Variants in HERC3 observed in about 807,000 individuals in gnomAD.
HERC3 encodes the protein probable E3 ubiquitin-protein ligase HERC3.
Under a neutral mutation model 129.9 loss-of-function variants are expected in HERC3, and 58 were observed. The observed-to-expected ratio is 0.45, with a 90% CI of 0.36 to 0.56. The LOEUF (loss-of-function observed/expected upper bound fraction) is 0.56. Among genes scored for constraint, HERC3 ranks in the 20% least tolerant of loss-of-function variants. HERC3 has a pLI of 0.00. For synonymous variants in HERC3, 430 were observed against 451.0 expected (o/e 0.95, Z 0.59); for missense variants, 835 against 1,244.2 (o/e 0.67, Z 4.95).
chr4:88,665,087 C>T lies in HERC3; in HGVS notation c.1331+875C>T, dbSNP rs1730903481. ...TTCTGTGTGTGAATCCCACCCCTAC[C>T]CCTCGAGCCCTGTGTTACTCAAGGT... On this transcript the variant is annotated intron_variant, in intron 12 of 25. Coordinates refer to ENST00000402738, the MANE Select transcript of HERC3 (RefSeq NM_014606.3). 2.0e-5 allele frequency among the ~76,000 whole-genome samples: 3 copies of T among 152,112 alleles called. No individual in the cohort carries two copies. In the South Asian group the frequency reaches 6.2e-4, roughly 32 times the overall value.
chr4:88,568,091 T>C, the HERC3 span, among the ~76,000 whole-genome samples: 1 of 152,252 alleles, frequency 6.6e-6, no homozygotes, highest in Non-Finnish European at 1.5e-5. Flanking sequence ...CCAGGATTAT[T>C]AGACAGAGAT....
At chr4:88,572,805 C>CAAA in the HERC3 span, among the ~76,000 whole-genome samples, 1 of 139,916 alleles carries the variant, frequency 7.1e-6, no homozygotes, top group Non-Finnish European at 1.6e-5. Context: ...AAGACTGTCT[C>CAAA]AAAAAAAAAA....
intron 3 of HERC3, among the ~76,000 whole-genome samples, chr4:88,649,257 A>C (rs945463894): frequency 6.6e-6 from 1 of 152,038 alleles, no homozygotes; most frequent in Admixed American, 6.6e-5. Context: ...GAAGCTAGAC[A>C]TTTCATTGAG....
At position 88,691,764 on chromosome 4, in the gene HERC3, A is replaced by G. The variant is rs903494948; in HGVS notation, c.2657+4465A>G. On this transcript the variant is annotated intron_variant, in intron 23 of 25. Coordinates refer to ENST00000402738, the MANE Select transcript of HERC3 (RefSeq NM_014606.3). ...GAAGTTGTAAAAGATTGATCATTAT[A>G]GTCATTATTTCCTTGGCTATATGCC... Among the ~76,000 whole-genome samples, 62 of 152,256 alleles carry G rather than the reference A, an allele frequency of 4.1e-4. 1 individual carries two copies. Among genetic ancestry groups the G allele is most frequent in the Admixed American group, 4.1e-3 (62 of 15,290 alleles).
At chr4:88,557,407 AC>A in the HERC3 span, among the ~76,000 whole-genome samples, 1 of 152,174 alleles carries the variant, frequency 6.6e-6, no homozygotes, top group Non-Finnish European at 1.5e-5. Context: ...CATCCCTGCT[AC>A]CTTGTATTAA....
intron 2 of HERC3, among the ~76,000 whole-genome samples, chr4:88,602,654 A>AT (rs1240049747): frequency 3.3e-5 from 5 of 151,744 alleles, no homozygotes; most frequent in Non-Finnish European, 5.9e-5. Flanking sequence ...ATTTTATTTT[A>AT]TTTTTTGTGG....
chr4:88,599,103 G>A (rs1435516935), intron 2 of HERC3, among the ~76,000 whole-genome samples: 1 of 152,328 alleles, frequency 6.6e-6, no homozygotes, highest in South Asian at 2.1e-4. Context: ...AATGCCCAGC[G>A]ATGCAGACCG....
At chr4:88,706,393 G>A (rs1007997247) in intron 25 of HERC3, among the ~76,000 whole-genome samples, 11 of 152,282 alleles carry the variant, frequency 7.2e-5, no homozygotes, top group South Asian at 2.1e-4. Context: ...ATGGAATTCC[G>A]TAGACAAGGT....
the HERC3 span, among the ~76,000 whole-genome samples, chr4:88,586,969 T>C: frequency 3.9e-5 from 6 of 152,344 alleles, no homozygotes; most frequent in South Asian, 1.2e-3. Flanking sequence ...CATTTTGCTC[T>C]AGGCTTTCGA....
chr4:88,543,619 A>G, the HERC3 span, among the ~76,000 whole-genome samples: 4 of 152,204 alleles, frequency 2.6e-5, no homozygotes, highest in South Asian at 2.1e-4. Context: ...AAGAGCCTGC[A>G]TTGCCAAGTC....
chr4:88,585,400 A>T, the HERC3 span, among the ~76,000 whole-genome samples: 1 of 152,154 alleles, frequency 6.6e-6, no homozygotes, highest in African/African-American at 2.4e-5. Context: ...AGTGAAGGTG[A>T]TTGGACCATG....
Position 88,625,352 on chromosome 4 carries a change from G to A in HERC3, c.226+19303G>A, listed in dbSNP as rs776729824. Among the ~76,000 whole-genome samples, 92 of 151,906 alleles carry A rather than the reference G, an allele frequency of 6.1e-4. 1 individual carries two copies. The highest frequency in any genetic ancestry group is 1.0e-3 in the Non-Finnish European group (70 of 67,912). Reference sequence around the variant, plus strand: ...ATGGTGTGTCTCTCTCTATATTTTAGGTCTTCTTTAATTTTTCTCAGCAAT... The same window carrying A: ...ATGGTGTGTCTCTCTCTATATTTTAAGTCTTCTTTAATTTTTCTCAGCAAT... On this transcript the variant is annotated intron_variant, in intron 3 of 25. Transcript: ENST00000402738.
chr4:88,609,734 C>T (rs1724078622), intron 3 of HERC3, among the ~76,000 whole-genome samples: 1 of 152,090 alleles, frequency 6.6e-6, no homozygotes, highest in African/African-American at 2.4e-5. Flanking sequence ...GGGTCCCGAT[C>T]CAGACCCCAA....
chr4:88,620,034 C>T (rs927351716), intron 3 of HERC3, among the ~76,000 whole-genome samples: 3 of 152,136 alleles, frequency 2.0e-5, no homozygotes, highest in Non-Finnish European at 2.9e-5. Context: ...AATGTTCATA[C>T]CTTTTGAATG....
chr4:88,591,540 GTTATTCCTT>G (rs1721709106), upstream of HERC3, among the ~76,000 whole-genome samples: 1 of 152,142 alleles, frequency 6.6e-6, no homozygotes, highest in African/African-American at 2.4e-5. Context: ...CACTGGGAGA[GTTATTCCTT>G]TGGATTAAAG....
At chr4:88,549,579 T>G in the HERC3 span, among the ~76,000 whole-genome samples, 1 of 152,234 alleles carries the variant, frequency 6.6e-6, no homozygotes, top group Non-Finnish European at 1.5e-5. Context: ...ATTTTCTGTT[T>G]CTGCACTACT....
intron 3 of HERC3, among the ~76,000 whole-genome samples, chr4:88,620,219 T>C (rs1445373498): frequency 6.6e-6 from 1 of 152,252 alleles, no homozygotes; most frequent in African/African-American, 2.4e-5. Context: ...GATAAAGTTT[T>C]AAGTAGCATC....
chr4:88,665,662 A>G (rs1216173552), intron 12 of HERC3, among the ~76,000 whole-genome samples: 1 of 152,150 alleles, frequency 6.6e-6, no homozygotes, highest in African/African-American at 2.4e-5. Flanking sequence ...TAATCTAGTC[A>G]TGTTGACTCC....
rs561492469 is a variant in HERC3 at position 88,636,633 on chromosome 4, C to G, written c.227-13207C>G. 3.3e-5 allele frequency among the ~76,000 whole-genome samples: 5 copies of G among 152,316 alleles called. No individual in the cohort carries two copies. The South Asian group carries it at 8.3e-4, about 25-fold the overall frequency. On this transcript the variant is annotated intron_variant, in intron 3 of 25. Coordinates refer to ENST00000402738, the MANE Select transcript of HERC3 (RefSeq NM_014606.3). Reference sequence around the variant, plus strand: ...TCAGGACTTGAACTGAGCTCTGGATCAAGTGGACCTAATAGATATCTACAG... The same window carrying G: ...TCAGGACTTGAACTGAGCTCTGGATGAAGTGGACCTAATAGATATCTACAG...
Sources: allele counts gnomAD v4.1 joint callset (sites outside exome capture counted in the v4.1 genomes callset), GRCh38; gene constraint gnomAD v4.1.1; transcripts MANE v1.5; gene names NCBI Gene and HGNC (gene_info 2026-07-23, HGNC 2026-07-21).